The following CNTNAP3B variants were observed in gnomAD, a reference collection of about 807,000 sequenced individuals.
The protein encoded by CNTNAP3B is contactin-associated protein-like 3B.
In CNTNAP3B, 25 loss-of-function variants were observed where a neutral mutation model predicts 108.9. The observed-to-expected ratio is 0.23, with a 90% CI of 0.17 to 0.32. The LOEUF is 0.32. Ranked by LOEUF, CNTNAP3B falls within the 10% of genes least tolerant of loss-of-function variation. The pLI is 1.00. For missense variants in CNTNAP3B, 252 were observed against 1,210.4 expected, an observed-to-expected ratio of 0.21 and a Z score of 11.75; for synonymous variants, 103 against 473.4, an observed-to-expected ratio of 0.22 and a Z score of 10.16.
chr9:42,031,789 A>G (rs1393887657), intron 3 of CNTNAP3B, among the ~76,000 whole-genome samples: 1 of 93,702 alleles, frequency 1.1e-5, no homozygotes, highest in African/African-American at 4.0e-5. Context: ...AGCGCTTCAC[A>G]TGTAAACATT....
At chr9:41,919,247 G>T (rs1823602971) in intron 18 of CNTNAP3B, among the ~76,000 whole-genome samples, 2 of 151,972 alleles carry the variant, frequency 1.3e-5, no homozygotes, top group South Asian at 4.1e-4. Flanking sequence ...CAATTCTCCT[G>T]CCTCAGCCTC....
At chr9:41,947,318 C>T (rs1273907111) in intron 13 of CNTNAP3B, among the ~76,000 whole-genome samples, 3 of 152,190 alleles carry the variant, frequency 2.0e-5, no homozygotes, top group Non-Finnish European at 4.4e-5. Context: ...AAAGTATATT[C>T]TCTAAGCATA....
At chr9:41,942,219 T>C (rs1236473780) in intron 13 of CNTNAP3B, among the ~76,000 whole-genome samples, 1 of 152,296 alleles carries the variant, frequency 6.6e-6, no homozygotes, top group African/African-American at 2.4e-5. Flanking sequence ...CTCACGCCTG[T>C]AATCCCAGCA....
At chr9:42,001,483 C>T (rs1022724355) in intron 4 of CNTNAP3B, among the ~76,000 whole-genome samples, 1 of 135,750 alleles carries the variant, frequency 7.4e-6, no homozygotes, top group African/African-American at 2.9e-5. Flanking sequence ...TTGAATAATA[C>T]ACTAAAATAA....
At chr9:42,067,155 AT>A (rs1827284831) in intron 3 of CNTNAP3B, among the ~76,000 whole-genome samples, 1 of 147,194 alleles carries the variant, frequency 6.8e-6, no homozygotes, top group South Asian at 2.1e-4. Flanking sequence ...GCCAAACAAA[AT>A]TTTCTATTTG....
At chr9:41,965,481 G>C (rs1478774713) in intron 10 of CNTNAP3B, among the ~76,000 whole-genome samples, 1 of 151,302 alleles carries the variant, frequency 6.6e-6, no homozygotes, top group Non-Finnish European at 1.5e-5. Flanking sequence ...GTCACCAAGA[G>C]GTAGTGTGAC....
intron 15 of CNTNAP3B, among the ~76,000 whole-genome samples, chr9:41,927,645 C>T (rs1223220442): frequency 1.3e-5 from 2 of 150,478 alleles, no homozygotes; most frequent in African/African-American, 2.4e-5. Flanking sequence ...GAGTTTCACA[C>T]TATGGGAATA....
intron 3 of CNTNAP3B, among the ~76,000 whole-genome samples, chr9:42,041,508 C>A (rs1312122204): frequency 6.8e-6 from 1 of 146,236 alleles, no homozygotes; most frequent in Non-Finnish European, 1.5e-5. Context: ...CACTGGCCAT[C>A]AGAGAAATGC....
intron 16 of CNTNAP3B, among the ~76,000 whole-genome samples, chr9:41,923,555 A>T (rs1210489329): frequency 6.6e-6 from 1 of 152,292 alleles, no homozygotes; most frequent in African/African-American, 2.4e-5. Flanking sequence ...TGAGGCCAGG[A>T]GTTGAAGACC....
intron 1 of CNTNAP3B, among the ~76,000 whole-genome samples, chr9:42,118,229 A>G (rs565246865): frequency 7.2e-6 from 1 of 139,744 alleles, no homozygotes; most frequent in African/African-American, 2.8e-5. Context: ...AACAAAAAAG[A>G]GAATTTTAGA....
chr9:41,933,533 T>C (rs1184244891), intron 14 of CNTNAP3B, among the ~76,000 whole-genome samples: 1 of 152,292 alleles, frequency 6.6e-6, no homozygotes, highest in Non-Finnish European at 1.5e-5. Context: ...TTTGTTAATA[T>C]TGCAAATAAA....
intron 11 of CNTNAP3B, among the ~76,000 whole-genome samples, chr9:41,963,629 C>T (rs1347873186): frequency 4.6e-5 from 7 of 151,796 alleles, no homozygotes; most frequent in African/African-American, 4.8e-5. Context: ...CCATCTCCAG[C>T]GATTCTGATT....
rs1161593347 is a variant in CNTNAP3B at position 42,079,724 on chromosome 9, G to A, written c.197-2662C>T. 4.4e-5 allele frequency among the ~76,000 whole-genome samples: 6 copies of A among 137,770 alleles called. 1 individual carries two copies. Among genetic ancestry groups the A allele is most frequent in the Admixed American group, 1.4e-4 (2 of 13,800 alleles). 90.4% of individuals were successfully genotyped at this position (137,770 alleles called of 152,430 possible). A position where few individuals can be genotyped will look rare whatever the true frequency, so the allele number is the denominator to read the frequency against. On this transcript the variant is annotated intron_variant, in intron 2 of 23. Coordinates refer to ENST00000377561, the MANE Select transcript of CNTNAP3B (RefSeq NM_001201380.3). Reference sequence around the variant, plus strand: ...TTTAGTAGAGACGGGGTTTCACCACGTTGGCCAGGATGGTCTTGGTCTCCT... The same window carrying A: ...TTTAGTAGAGACGGGGTTTCACCACATTGGCCAGGATGGTCTTGGTCTCCT...
rs528371659 is a variant in CNTNAP3B, at chr9:42,036,769, C to T, written c.391-23244G>A. Among the ~76,000 whole-genome samples, 478 of 137,232 alleles carry T rather than the reference C, an allele frequency of 3.5e-3. 69 individuals carry two copies. The highest frequency in any genetic ancestry group is 5.4e-3 in the Non-Finnish European group (349 of 64,402). 90.0% of individuals were successfully genotyped at this position (137,232 alleles called of 152,430 possible). ...CCTCCACAAGTGGGTCCCTGACCCC[C>T]GAGTAGCCTAACTGGGAGGCACCTC... On this transcript the variant is annotated intron_variant, in intron 3 of 23. Transcript: ENST00000377561.
At position 41,953,288 on chromosome 9, in the gene CNTNAP3B, AC is replaced by A. The variant is rs1564156086; in HGVS notation, c.1974del (p.Tyr659ThrfsTer12). On this transcript the variant is annotated frameshift_variant, in exon 13 of 24. Transcript: ENST00000377561. LOFTEE classifies it high-confidence loss of function. ...SGHPLSAVSF[A>X]YAAGAGQLRA... is the part of the protein sequence containing the mutation. Reference sequence around the variant, plus strand: ...CGCAGCTGCCCCGCGCCCGCTGCGTACGCGAAGGACACAGCCGAGAGCGGGT... The same window carrying A: ...CGCAGCTGCCCCGCGCCCGCTGCGTAGCGAAGGACACAGCCGAGAGCGGGT... 6.5e-7 allele frequency: 1 copy of A among 1,529,812 alleles called. No individual in the cohort carries two copies. The highest frequency in any genetic ancestry group is 8.7e-7 in the Non-Finnish European group (1 of 1,146,938). 94.8% of individuals were successfully genotyped at this position (1,529,812 alleles called of 1,614,324 possible). A position where few individuals can be genotyped will look rare whatever the true frequency, so the allele number is the denominator to read the frequency against.
At chr9:41,931,468 G>A (rs1396565125) in intron 14 of CNTNAP3B, among the ~76,000 whole-genome samples, 1 of 152,246 alleles carries the variant, frequency 6.6e-6, no homozygotes, top group Non-Finnish European at 1.5e-5. Flanking sequence ...TAAAAGACTA[G>A]GTATCAAACT....
At chr9:42,071,879 G>T (rs1392831987) in intron 3 of CNTNAP3B, among the ~76,000 whole-genome samples, 2 of 150,988 alleles carry the variant, frequency 1.3e-5, no homozygotes, top group East Asian at 3.9e-4. Context: ...TAAATGCTGT[G>T]ATATTTACTG....
intron 13 of CNTNAP3B, among the ~76,000 whole-genome samples, chr9:41,952,360 T>G (rs2118145191): frequency 6.6e-6 from 1 of 152,348 alleles, no homozygotes; most frequent in South Asian, 2.1e-4. Flanking sequence ...CAGCCTGGAC[T>G]TCCTGGGCTC....
rs1440013287 is a variant in CNTNAP3B at position 41,953,191 on chromosome 9, T to A, written c.2072A>T (p.Asp691Val). ...CCAGCAGTGGCGCTTACCTCGTGAG[T>A]CCGGGCGCCGCGCTGTCCCGCAGCG... is the stretch of plus-strand genomic sequence containing the variant. ...ALRCGTARRP[D>V]SRDGTPLSWW... Residue 691 changes from aspartate (D) to valine (V), a missense_variant, in exon 13 of 24, where the codon GAC (aspartate) becomes GTC (valine). Asp to Val is a radical substitution (Grantham distance 152, BLOSUM62 -3). Transcript: ENST00000377561. 23 of 1,522,232 alleles carry A rather than the reference T, an allele frequency of 1.5e-5. No individual in the cohort carries two copies. In the Admixed American group the frequency reaches 4.2e-4, roughly 28 times the overall value. 94.3% of individuals were successfully genotyped at this position (1,522,232 alleles called of 1,614,324 possible). A position where few individuals can be genotyped will look rare whatever the true frequency, so the allele number is the denominator to read the frequency against.
Sources: allele counts gnomAD v4.1 joint callset (sites outside exome capture counted in the v4.1 genomes callset), GRCh38; gene constraint gnomAD v4.1.1; transcripts MANE v1.5; gene names NCBI Gene and HGNC (gene_info 2026-07-23, HGNC 2026-07-21).